SLC14A2: variants seen among roughly 807,000 people sequenced by gnomAD.
SLC14A2 encodes the protein solute carrier family 14 member 2.
A neutral mutation model predicts 104.6 loss-of-function variants in SLC14A2; 91 were observed. The observed-to-expected ratio is 0.87, with a 90% CI of 0.73 to 1.04. The LOEUF is 1.04. Among genes scored for constraint, SLC14A2 ranks in the 50% least tolerant of loss-of-function variants. The pLI, the probability that SLC14A2 is intolerant of heterozygous loss-of-function variation, is 0.00. For synonymous variants in SLC14A2, 476 were observed against 466.4 expected, an observed-to-expected ratio of 1.02 and a Z score of -0.27; for missense variants, 1,189 against 1,156.0, an observed-to-expected ratio of 1.03 and a Z score of -0.41.
At chr18:45,212,478 A>G (rs2083969647), upstream of SLC14A2, among the ~76,000 whole-genome samples, 1 of 152,140 alleles carries the variant, frequency 6.6e-6, no homozygotes. Context: ...AGCTGTTGTG[A>G]AGGTTACATG....
intron 1 of SLC14A2, among the ~76,000 whole-genome samples, chr18:45,273,308 G>A (rs772565182): frequency 1.3e-5 from 2 of 152,094 alleles, no homozygotes; most frequent in Non-Finnish European, 2.9e-5. Flanking sequence ...CAGAAGTCTT[G>A]TAACTGCCTT....
chr18:45,349,595 C>A (rs1464877972), intron 1 of SLC14A2, among the ~76,000 whole-genome samples: 1 of 152,164 alleles, frequency 6.6e-6, no homozygotes, highest in Non-Finnish European at 1.5e-5. Context: ...CCATGTTGCA[C>A]TGGGCAATTC....
intron 1 of SLC14A2, among the ~76,000 whole-genome samples, chr18:45,434,748 T>A (rs968874479): frequency 5.9e-5 from 9 of 152,194 alleles, no homozygotes; most frequent in African/African-American, 2.2e-4. Context: ...TGCAATTGGT[T>A]TCTAAAGAAT....
chr18:45,269,248 G>T (rs2084625809), intron 1 of SLC14A2, among the ~76,000 whole-genome samples: 1 of 152,016 alleles, frequency 6.6e-6, no homozygotes, highest in African/African-American at 2.4e-5. Context: ...TCACGTGGTT[G>T]GTGCCTAAAG....
chr18:45,218,658 A>G (rs71356480), intron 1 of SLC14A2, among the ~76,000 whole-genome samples: 1 of 152,226 alleles, frequency 6.6e-6, no homozygotes, highest in African/African-American at 2.4e-5. Flanking sequence ...AAAGAAAAAC[A>G]AACTTTTTAA....
At chr18:45,534,432 C>T (rs552260332) in intron 2 of SLC14A2, among the ~76,000 whole-genome samples, 204 of 152,150 alleles carry the variant, frequency 1.3e-3, no homozygotes, top group Non-Finnish European at 2.5e-3. Context: ...TGAAAAAGAG[C>T]TAAAACCAGC....
chr18:45,332,267 A>G (rs1290028475), intron 1 of SLC14A2, among the ~76,000 whole-genome samples: 2 of 147,318 alleles, frequency 1.4e-5, no homozygotes, highest in Admixed American at 6.9e-5. Flanking sequence ...AAAATATTTG[A>G]AAAAAAATTG....
chr18:45,191,097 T>A, the SLC14A2 span, among the ~76,000 whole-genome samples: 1 of 152,060 alleles, frequency 6.6e-6, no homozygotes, highest in South Asian at 2.1e-4. Context: ...CTCCATGCCC[T>A]CCCAGCTTTC....
chr18:45,630,543 A>G (rs2045326833), intron 4 of SLC14A2, among the ~76,000 whole-genome samples: 1 of 152,188 alleles, frequency 6.6e-6, no homozygotes, highest in Non-Finnish European at 1.5e-5. Context: ...TTTTATAGTC[A>G]GGGAGGGAAA....
At chr18:45,418,400 AACAACTAAGCT>A (rs1355537175) in intron 1 of SLC14A2, among the ~76,000 whole-genome samples, 2 of 152,172 alleles carry the variant, frequency 1.3e-5, no homozygotes, top group Non-Finnish European at 2.9e-5. Flanking sequence ...GTGGTGTTGA[AACAACTAAGCT>A]ACAAGAAAGT....
At chr18:45,588,768 G>A (rs1307424367) in intron 2 of SLC14A2, among the ~76,000 whole-genome samples, 1 of 152,148 alleles carries the variant, frequency 6.6e-6, no homozygotes, top group African/African-American at 2.4e-5. Context: ...AGGGCCCAGA[G>A]GTGGTTTAGC....
At chr18:45,564,231 A>G (rs1389307818) in intron 2 of SLC14A2, among the ~76,000 whole-genome samples, 1 of 152,226 alleles carries the variant, frequency 6.6e-6, no homozygotes, top group Non-Finnish European at 1.5e-5. Context: ...TTGATGAGGC[A>G]GTGATGAGAA....
chr18:45,186,834 G>A, the SLC14A2 span, among the ~76,000 whole-genome samples: 2 of 152,172 alleles, frequency 1.3e-5, no homozygotes, highest in Admixed American at 1.3e-4. Flanking sequence ...ATCTTAGGGA[G>A]AGCCCCCAAA....
chr18:45,601,846 C>G (rs1414682386), intron 2 of SLC14A2, among the ~76,000 whole-genome samples: 1 of 152,224 alleles, frequency 6.6e-6, no homozygotes, highest in Non-Finnish European at 1.5e-5. Context: ...ACTATGGTGA[C>G]TTACACTTCC....
chr18:45,494,309 T>C (rs566985338), intron 2 of SLC14A2, among the ~76,000 whole-genome samples: 1 of 152,344 alleles, frequency 6.6e-6, no homozygotes, highest in South Asian at 2.1e-4. Flanking sequence ...ATCATGTCCA[T>C]AGTCACTCAT....
intron 1 of SLC14A2, among the ~76,000 whole-genome samples, chr18:45,310,278 T>A (rs1366984679): frequency 2.6e-5 from 4 of 152,218 alleles, no homozygotes; most frequent in Non-Finnish European, 5.9e-5. Flanking sequence ...ATTACCATAT[T>A]GCTTTTGCAT....
intron 2 of SLC14A2, chr18:45,528,919 T>A (rs2043638972): frequency 1.3e-5 from 2 of 152,352 alleles, no homozygotes; most frequent in South Asian, 4.1e-4. Context: ...ATTTCAAGTT[T>A]AGACTAGAAG....
At chr18:45,512,149 T>G (rs2043374315) in intron 2 of SLC14A2, among the ~76,000 whole-genome samples, 1 of 152,196 alleles carries the variant, frequency 6.6e-6, no homozygotes, top group Non-Finnish European at 1.5e-5. Context: ...GGAGCACATT[T>G]CAGCAGAAAG....
At chr18:45,242,249 C>T (rs1256009439) in intron 1 of SLC14A2, among the ~76,000 whole-genome samples, 1 of 152,080 alleles carries the variant, frequency 6.6e-6, no homozygotes, top group East Asian at 1.9e-4. Flanking sequence ...TAGCTGGGCA[C>T]TCTCTTTATG....
Sources: gnomAD v4.1 joint callset for allele counts (sites outside exome capture counted in the v4.1 genomes callset) on GRCh38, gnomAD v4.1.1 for gene constraint, MANE v1.5 for transcripts, NCBI Gene and HGNC (gene_info 2026-07-23, HGNC 2026-07-21) for gene names.